Variants in CNIH3 observed in about 807,000 individuals in gnomAD.
CNIH3 encodes the protein protein cornichon homolog 3.
In CNIH3, 14 loss-of-function variants were observed where a neutral mutation model predicts 24.1. The observed-to-expected ratio is 0.58, with a 90% CI of 0.38 to 0.91. The LOEUF is 0.91. Among genes scored for constraint, CNIH3 ranks in the 40% least tolerant of loss-of-function variants. The probability of loss-of-function intolerance (pLI) is 0.00; values close to 1 mark genes in which losing one functional copy is unlikely to be tolerated. For synonymous variants in CNIH3, 68 were observed against 73.8 expected (o/e 0.92, Z 0.40); for missense variants, 178 against 196.8 (o/e 0.90, Z 0.57).
intron 3 of CNIH3, among the ~76,000 whole-genome samples, chr1:224,718,755 A>C (rs1434388311): frequency 1.3e-5 from 2 of 152,068 alleles, no homozygotes; most frequent in African/African-American, 2.4e-5. Context: ...ATGTGGGAGC[A>C]GAGGGTTTTC....
At chr1:224,695,030 C>G (rs1208051541) in intron 3 of CNIH3, among the ~76,000 whole-genome samples, 1 of 152,140 alleles carries the variant, frequency 6.6e-6, no homozygotes, top group Non-Finnish European at 1.5e-5. Flanking sequence ...CAGAAATCAC[C>G]ACTAAAGAAC....
chr1:224,691,522 A>G (rs1373614880), intron 3 of CNIH3, among the ~76,000 whole-genome samples: 1 of 152,192 alleles, frequency 6.6e-6, no homozygotes, highest in Non-Finnish European at 1.5e-5. Context: ...TTCAAGGAGG[A>G]TGAGAGGCAT....
intron 1 of CNIH3, among the ~76,000 whole-genome samples, chr1:224,662,171 T>C (rs551844889): frequency 1.4e-4 from 22 of 152,334 alleles, no homozygotes; most frequent in Non-Finnish European, 2.6e-4. Context: ...GACTCAGACA[T>C]CTAGTGAGCA....
intron 1 of CNIH3, among the ~76,000 whole-genome samples, chr1:224,501,161 CTTTGT>C (rs1677648952): frequency 6.6e-6 from 1 of 152,092 alleles, no homozygotes; most frequent in Non-Finnish European, 1.5e-5. Context: ...ACTAATTCTG[CTTTGT>C]TTTATGTCCA....
chr1:224,547,558 C>A (rs953481431), intron 3 of CNIH3, among the ~76,000 whole-genome samples: 2 of 151,802 alleles, frequency 1.3e-5, no homozygotes, highest in Admixed American at 6.6e-5. Flanking sequence ...TGTGTGTACA[C>A]CCCCTGTGAT....
intron 1 of CNIH3, among the ~76,000 whole-genome samples, chr1:224,479,377 C>T (rs1676715878): frequency 6.6e-6 from 1 of 152,078 alleles, no homozygotes; most frequent in Admixed American, 6.5e-5. Context: ...TGGTCTCAAA[C>T]TCCTGACCTC....
intron 4 of CNIH3, among the ~76,000 whole-genome samples, chr1:224,572,854 G>A (rs1680880309): frequency 1.3e-5 from 2 of 152,094 alleles, no homozygotes; most frequent in Non-Finnish European, 2.9e-5. Flanking sequence ...TTATTTCTAA[G>A]TTGGTTTCTT....
intron 1 of CNIH3, among the ~76,000 whole-genome samples, chr1:224,656,679 A>G (rs1437647622): frequency 6.6e-6 from 1 of 152,098 alleles, no homozygotes; most frequent in Non-Finnish European, 1.5e-5. Context: ...CAAAAGGGCT[A>G]ACTTACTGTG....
chr1:224,674,683 G>A (rs1273625485), intron 1 of CNIH3, among the ~76,000 whole-genome samples: 1 of 152,102 alleles, frequency 6.6e-6, no homozygotes, highest in African/African-American at 2.4e-5. Context: ...CCTAAGCCTA[G>A]TGGTGGGTAG....
chr1:224,616,855 C>CCGTA lies in CNIH3; in HGVS notation c.-320_-319insCGTA. On this transcript the variant is annotated 5_prime_UTR_variant, in exon 1 of 6. An upstream open reading frame in the 5' UTR gains an earlier in-frame stop. Coordinates refer to ENST00000272133, the MANE Select transcript of CNIH3 (RefSeq NM_152495.2). ...CGCTTGTCGTGTTGGTCTCGAGGGG[C>CCGTA]TCACAGCTTGGCACTAATTTGCAGG... 1.7e-6 allele frequency: 2 copies of CCGTA among 1,188,458 alleles called. No homozygotes were observed. Among genetic ancestry groups the CCGTA allele is most frequent in the South Asian group, 2.9e-5 (1 of 34,468 alleles). The allele number at this position is 1,188,458 out of a possible 1,614,324, so 73.6% of individuals were successfully genotyped here. A position where few individuals can be genotyped will look rare whatever the true frequency, so the allele number is the denominator to read the frequency against.
At chr1:224,605,150 A>G (rs1362293146) in intron 3 of CNIH3, among the ~76,000 whole-genome samples, 1 of 152,244 alleles carries the variant, frequency 6.6e-6, no homozygotes, top group African/African-American at 2.4e-5. Context: ...CAATCAGAGC[A>G]AAGTACCGCA....
At chr1:224,635,285 C>T (rs1374509090) in intron 1 of CNIH3, among the ~76,000 whole-genome samples, 1 of 152,138 alleles carries the variant, frequency 6.6e-6, no homozygotes, top group Non-Finnish European at 1.5e-5. Context: ...TCCCACCAGG[C>T]CCCTCCCACG....
chr1:224,540,443 C>A (rs1679470115), downstream of CNIH3, among the ~76,000 whole-genome samples: 1 of 152,062 alleles, frequency 6.6e-6, no homozygotes, highest in South Asian at 2.1e-4. Context: ...TTTAGACTCT[C>A]CAATATGTCA....
chr1:224,627,090 G>A (rs1683571793), intron 1 of CNIH3, among the ~76,000 whole-genome samples: 1 of 152,200 alleles, frequency 6.6e-6, no homozygotes, highest in Non-Finnish European at 1.5e-5. Context: ...TGTGTTCACG[G>A]GACTTAGGAG....
intron 1 of CNIH3, among the ~76,000 whole-genome samples, chr1:224,463,773 A>ATTTATTTATTT (rs1676034230): frequency 4.8e-5 from 1 of 20,706 alleles, no homozygotes; most frequent in African/African-American, 2.6e-4. Flanking sequence ...AATTGTCCTC[A>ATTTATTTATTT]TTTTTTTTTT....
chr1:224,551,162 C>T (rs547603871), intron 3 of CNIH3, among the ~76,000 whole-genome samples: 87 of 152,002 alleles, frequency 5.7e-4, no homozygotes, highest in Middle Eastern at 6.8e-3. Flanking sequence ...GTCAGTGTGG[C>T]GATTCCTCAG....
chr1:224,435,241 AG>A, intron 1 of CNIH3: 1 of 982,690 alleles, frequency 1.0e-6, no homozygotes, highest in Non-Finnish European at 1.2e-6. Flanking sequence ...TTCCAGGCAC[AG>A]GGCTGTGGTA....
chr1:224,727,049 A>G (rs1371853348), intron 3 of CNIH3, among the ~76,000 whole-genome samples: 4 of 152,186 alleles, frequency 2.6e-5, no homozygotes, highest in Non-Finnish European at 4.4e-5. Flanking sequence ...GACTGCCCAC[A>G]CAAATGAATG....
downstream of CNIH3, among the ~76,000 whole-genome samples, chr1:224,592,488 C>T (rs1006510792): frequency 2.0e-5 from 3 of 152,116 alleles, no homozygotes; most frequent in African/African-American, 7.2e-5. Flanking sequence ...AACTTAGTAG[C>T]CTCAGATTTT....
Sources: allele counts gnomAD v4.1 joint callset (sites outside exome capture counted in the v4.1 genomes callset), GRCh38; gene constraint gnomAD v4.1.1; transcripts MANE v1.5; gene names NCBI Gene and HGNC (gene_info 2026-07-23, HGNC 2026-07-21).